Variants in MEGF11 observed in about 807,000 individuals in gnomAD.
The protein encoded by MEGF11 is multiple epidermal growth factor-like domains protein 11.
MEGF11 carries 126 observed loss-of-function variants against 146.6 expected under a neutral mutation model. That is an observed-to-expected ratio of 0.86 (90% CI 0.74 to 1.00). MEGF11 has a LOEUF of 1.00. Ranked by LOEUF, MEGF11 falls within the 50% of genes least tolerant of loss-of-function variation. MEGF11 has a pLI of 0.00. For synonymous variants in MEGF11, 532 were observed against 583.4 expected, an observed-to-expected ratio of 0.91 and a Z score of 1.27; for missense variants, 1,509 against 1,521.2, an observed-to-expected ratio of 0.99 and a Z score of 0.13.
intron 1 of MEGF11, among the ~76,000 whole-genome samples, chr15:66,182,188 T>C (rs1437468208): frequency 1.3e-5 from 2 of 151,998 alleles, no homozygotes; most frequent in Non-Finnish European, 1.5e-5. Flanking sequence ...CAACGGCAAA[T>C]AGAGTCTGCC....
At chr15:66,244,681 A>G (rs2092268944) in intron 1 of MEGF11, among the ~76,000 whole-genome samples, 2 of 152,214 alleles carry the variant, frequency 1.3e-5, no homozygotes, top group South Asian at 4.1e-4. Context: ...TACCAGGCTC[A>G]GTTAAAATCT....
Position 65,970,553 on chromosome 15 carries a change from C to T in MEGF11, c.899G>A (p.Arg300Lys). 1 of 1,613,830 alleles carries T rather than the reference C, an allele frequency of 6.2e-7. No homozygotes were observed. The highest frequency in any genetic ancestry group is 1.1e-5 in the South Asian group (1 of 91,046). ...AGATAACAGTTAACACTATCCTTAC[C>T]TGTCCCCCATGTATCCAGCTGTACA... ...CHCTAGYMGD[R>K]CQEECPFGSF... Residue 300 changes from arginine to lysine, a missense_variant and splice_region_variant, in exon 8 of 26, where the codon AGG becomes AAG. Coordinates refer to ENST00000395614, the MANE Select transcript of MEGF11 (RefSeq NM_001385028.1).
intron 15 of MEGF11, among the ~76,000 whole-genome samples, chr15:65,919,699 C>T (rs547864041): frequency 4.9e-4 from 75 of 152,320 alleles, no homozygotes; most frequent in Non-Finnish European, 9.1e-4. Context: ...GGTGCAATCT[C>T]GGCTTACTGC....
intron 1 of MEGF11, among the ~76,000 whole-genome samples, chr15:66,229,749 A>T (rs1474907249): frequency 6.6e-6 from 1 of 150,486 alleles, no homozygotes; most frequent in Non-Finnish European, 1.5e-5. Flanking sequence ...CAACAGAGAG[A>T]GCTGGGTAGC....
intron 1 of MEGF11, among the ~76,000 whole-genome samples, chr15:66,231,674 C>T (rs925524750): frequency 2.0e-5 from 3 of 152,192 alleles, no homozygotes; most frequent in African/African-American, 7.2e-5. Flanking sequence ...GTGCTCACAC[C>T]AGCTTCTCTG....
chr15:65,954,987 C>T (rs576989083), intron 10 of MEGF11, among the ~76,000 whole-genome samples: 1 of 152,316 alleles, frequency 6.6e-6, no homozygotes, highest in East Asian at 1.9e-4. Context: ...CTACTTTTCC[C>T]CTTTTCCCCC....
At position 66,119,195 on chromosome 15, in the gene MEGF11, C is replaced by A. The variant is rs1305740289; in HGVS notation, c.201-9G>T. ...CCGTCTTATAACTGATCCTAAGGCACAAGGGAGAAAGCCACTTGAAAGTAT... is the reference window on the plus strand; with the variant it reads ...CCGTCTTATAACTGATCCTAAGGCAAAAGGGAGAAAGCCACTTGAAAGTAT... On this transcript the variant is annotated splice_polypyrimidine_tract_variant and intron_variant, in intron 3 of 25. Coordinates refer to ENST00000395614, the MANE Select transcript of MEGF11 (RefSeq NM_001385028.1). 2 of 1,543,706 alleles carry A rather than the reference C, an allele frequency of 1.3e-6. No individual in the cohort carries two copies. Among genetic ancestry groups the A allele is most frequent in the Admixed American group, 2.0e-5 (1 of 50,926 alleles).
intron 1 of MEGF11, among the ~76,000 whole-genome samples, chr15:66,227,759 G>A (rs1412509509): frequency 6.6e-6 from 1 of 152,224 alleles, no homozygotes; most frequent in Non-Finnish European, 1.5e-5. Context: ...TGAAATGGCT[G>A]TTATCTTATA....
At chr15:66,115,397 C>T (rs1221350501) in intron 4 of MEGF11, among the ~76,000 whole-genome samples, 22 of 152,246 alleles carry the variant, frequency 1.4e-4, no homozygotes, top group Non-Finnish European at 8.8e-5. Context: ...CTCCCTCACC[C>T]TGGGGTCTCC....
intron 1 of MEGF11, among the ~76,000 whole-genome samples, chr15:66,238,194 A>C (rs1030613797): frequency 2.0e-5 from 3 of 152,138 alleles, no homozygotes; most frequent in Non-Finnish European, 4.4e-5. Flanking sequence ...CTAGGAGCCC[A>C]GTTTTCTGGG....
intron 1 of MEGF11, among the ~76,000 whole-genome samples, chr15:66,191,243 G>A (rs989040269): frequency 1.3e-5 from 2 of 152,146 alleles, no homozygotes; most frequent in African/African-American, 2.4e-5. Context: ...GTCTGAGCTC[G>A]GGCTGGAGGG....
At chr15:65,912,056 G>A (rs2078829443) in intron 21 of MEGF11, 26 bp downstream of exon 21, 2 of 1,191,332 alleles carry the variant, frequency 1.7e-6, no homozygotes, top group Non-Finnish European at 2.1e-6. Flanking sequence ...CAGTGAGTGG[G>A]GGCTGGGGAA....
chr15:65,999,632 C>G (rs183418798), intron 5 of MEGF11, among the ~76,000 whole-genome samples: 65 of 152,304 alleles, frequency 4.3e-4, no homozygotes, highest in African/African-American at 1.5e-3. Flanking sequence ...TTCTTCATCT[C>G]TCCTATAAAA....
chr15:66,057,371 C>CT (rs1411263366), intron 5 of MEGF11, among the ~76,000 whole-genome samples: 1 of 152,114 alleles, frequency 6.6e-6, no homozygotes, highest in African/African-American at 2.4e-5. Flanking sequence ...GTTAAGCTGT[C>CT]TTTTGTAGTA....
At chr15:66,227,812 AC>A (rs2091885023) in intron 1 of MEGF11, among the ~76,000 whole-genome samples, 1 of 152,118 alleles carries the variant, frequency 6.6e-6, no homozygotes, top group African/African-American at 2.4e-5. Flanking sequence ...GGGAAGGGCC[AC>A]CCCAGCCCAC....
chr15:66,104,292 G>A (rs558308235), intron 4 of MEGF11, among the ~76,000 whole-genome samples: 3 of 152,322 alleles, frequency 2.0e-5, no homozygotes, highest in African/African-American at 7.2e-5. Context: ...CCCCAGCCAA[G>A]CAGTTAAGTC....
chr15:66,173,752 C>A (rs1160082470), intron 1 of MEGF11, among the ~76,000 whole-genome samples: 2 of 152,156 alleles, frequency 1.3e-5, no homozygotes, highest in Non-Finnish European at 2.9e-5. Flanking sequence ...CCGAGCCCTG[C>A]GAGCTGTTCA....
chr15:66,126,184 C>A (rs1157697837), intron 2 of MEGF11, among the ~76,000 whole-genome samples: 3 of 152,324 alleles, frequency 2.0e-5, no homozygotes, highest in African/African-American at 7.2e-5. Context: ...CTGAGAAATT[C>A]TCCCTAAGTG....
intron 3 of MEGF11, among the ~76,000 whole-genome samples, chr15:66,122,415 A>C (rs2088078215): frequency 6.6e-6 from 1 of 152,258 alleles, no homozygotes. Context: ...AAAACCTCAA[A>C]GAAAACCAGG....
Sources: allele counts gnomAD v4.1 joint callset (sites outside exome capture counted in the v4.1 genomes callset), GRCh38; gene constraint gnomAD v4.1.1; transcripts MANE v1.5; gene names NCBI Gene and HGNC (gene_info 2026-07-23, HGNC 2026-07-21).